Variants in UBE2D3 observed in about 807,000 individuals in gnomAD.
UBE2D3 encodes the protein ubiquitin-conjugating enzyme E2 D3.
A neutral mutation model predicts 22.8 loss-of-function variants in UBE2D3; 2 were observed. That is an observed-to-expected ratio of 0.09 (90% CI 0.04 to 0.28). The LOEUF (loss-of-function observed/expected upper bound fraction) is 0.28, where lower values mean the gene tolerates loss of function less well. Ranked by LOEUF, UBE2D3 falls within the 10% of genes least tolerant of loss-of-function variation. UBE2D3 has a pLI of 1.00. For synonymous variants in UBE2D3, 56 were observed against 60.4 expected, an observed-to-expected ratio of 0.93 and a Z score of 0.34; for missense variants, 27 against 182.5, an observed-to-expected ratio of 0.15 and a Z score of 4.91.
intron 2 of UBE2D3, 64 bp downstream of exon 2, chr4:102,826,421 C>G (rs1223367627): frequency 6.2e-7 from 1 of 1,602,016 alleles, no homozygotes; most frequent in Non-Finnish European, 8.5e-7. Context: ...CACCCCCACG[C>G]TTTCCTCTTG....
intron 4 of UBE2D3, among the ~76,000 whole-genome samples, chr4:102,805,879 C>G (rs1489947804): frequency 6.6e-6 from 1 of 152,138 alleles, no homozygotes; most frequent in African/African-American, 2.4e-5. Flanking sequence ...CAAGCCATAA[C>G]TGAAAGCCAT....
rs76063760 is a variant in UBE2D3, at chr4:102,838,377, C to T, written c.-128-11741G>A. ...CAGTGATGTTCTTTGGAACATGACA[C>T]AGTACCACATAGGAGTACTTTCCCC... On this transcript the variant is annotated intron_variant, in intron 1 of 7. Coordinates refer to the UBE2D3 transcript ENST00000338145. Among the ~76,000 whole-genome samples, 1,148 of 152,264 alleles carry T rather than the reference C, an allele frequency of 7.5e-3. 10 individuals carry two copies. Among genetic ancestry groups the T allele is most frequent in the African/African-American group, 0.026 (1,068 of 41,538 alleles).
At chr4:102,808,388 A>C (rs1197000177) in intron 4 of UBE2D3, among the ~76,000 whole-genome samples, 1 of 152,238 alleles carries the variant, frequency 6.6e-6, no homozygotes, top group Non-Finnish European at 1.5e-5. Flanking sequence ...ACTTTTAATA[A>C]CTACAAAGCC....
chr4:102,861,627 A>G (rs529953386), intron 1 of UBE2D3, among the ~76,000 whole-genome samples: 1 of 152,010 alleles, frequency 6.6e-6, no homozygotes, highest in Non-Finnish European at 1.5e-5. Flanking sequence ...CTGCCTTGTT[A>G]TTTTATTATT....
At chr4:102,826,894 G>C (rs1249515213) in intron 1 of UBE2D3, 7 of 1,054,914 alleles carry the variant, frequency 6.6e-6, no homozygotes, top group Non-Finnish European at 8.0e-6. Context: ...AGGAGAAAGG[G>C]GTGGGTGCGG....
At chr4:102,821,099 G>A (rs1001079786) in intron 2 of UBE2D3, among the ~76,000 whole-genome samples, 16 of 152,126 alleles carry the variant, frequency 1.1e-4, no homozygotes, top group African/African-American at 3.9e-4. Flanking sequence ...TGGGCAGTAA[G>A]ATATTTGGTG....
intron 7 of UBE2D3, 61 bp downstream of exon 7, chr4:102,799,345 CA>C: frequency 7.6e-7 from 1 of 1,323,842 alleles, no homozygotes; most frequent in South Asian, 1.3e-5. Flanking sequence ...CTGTCACAAG[CA>C]AAGTATAAGC....
intron 4 of UBE2D3, among the ~76,000 whole-genome samples, chr4:102,805,474 T>G (rs1014401121): frequency 6.6e-6 from 1 of 151,636 alleles, no homozygotes; most frequent in Non-Finnish European, 1.5e-5. Flanking sequence ...AGCTCTTCTG[T>G]GGCAATAAAA....
chr4:102,820,824 C>G (rs962140298), intron 2 of UBE2D3, among the ~76,000 whole-genome samples: 4 of 152,130 alleles, frequency 2.6e-5, no homozygotes, highest in African/African-American at 9.7e-5. Context: ...CATGAAATTA[C>G]AGCAAGGTTA....
chr4:102,828,013 C>CT, upstream of UBE2D3: 1 of 985,454 alleles, frequency 1.0e-6, no homozygotes, highest in Non-Finnish European at 1.2e-6. Context: ...TCTGCAATGA[C>CT]TTAAGAGCAG....
At chr4:102,828,589 C>T (rs1730920464), upstream of UBE2D3, among the ~76,000 whole-genome samples, 1 of 152,178 alleles carries the variant, frequency 6.6e-6, no homozygotes, top group African/African-American at 2.4e-5. Flanking sequence ...CGCTGCCGTC[C>T]GCCAAGGTGT....
chr4:102,829,947 C>G (rs1402509408), upstream of UBE2D3, among the ~76,000 whole-genome samples: 1 of 152,056 alleles, frequency 6.6e-6, no homozygotes, highest in Non-Finnish European at 1.5e-5. Context: ...AAAAACAAAA[C>G]TAATATATAT....
intron 1 of UBE2D3, among the ~76,000 whole-genome samples, chr4:102,867,393 G>T (rs1415186186): frequency 6.6e-6 from 1 of 152,198 alleles, no homozygotes; most frequent in African/African-American, 2.4e-5. Context: ...GTTATTATAT[G>T]TTGTTAAGTG....
intron 2 of UBE2D3, chr4:102,813,089 A>G (rs1395463898): frequency 1.3e-5 from 2 of 152,234 alleles, no homozygotes; most frequent in African/African-American, 4.8e-5. Context: ...TGATCAACAC[A>G]AAGTTTTAAC....
intron 1 of UBE2D3, among the ~76,000 whole-genome samples, chr4:102,865,777 A>G (rs748486109): frequency 1.1e-4 from 17 of 152,044 alleles, no homozygotes; most frequent in Non-Finnish European, 2.4e-4. Context: ...ACCTAATGGG[A>G]AAAAAACATG....
intron 1 of UBE2D3, among the ~76,000 whole-genome samples, chr4:102,863,583 T>A (rs1182323634): frequency 6.6e-6 from 1 of 152,134 alleles, no homozygotes; most frequent in Non-Finnish European, 1.5e-5. Flanking sequence ...AACCTCCATC[T>A]CCCGGGTTCA....
At chr4:102,831,497 A>G (rs1011291028), upstream of UBE2D3, among the ~76,000 whole-genome samples, 3 of 152,342 alleles carry the variant, frequency 2.0e-5, no homozygotes, top group Middle Eastern at 6.8e-3. Flanking sequence ...TTTAGTAGAA[A>G]CAACTCAAAT....
chr4:102,809,483 T>C (rs1727608756), intron 4 of UBE2D3, 189 bp downstream of exon 4: 1 of 638,166 alleles, frequency 1.6e-6, no homozygotes, highest in Non-Finnish European at 2.7e-6. Context: ...AACACAGGGA[T>C]AGACACAAAG....
chr4:102,819,384 A>G (rs1298975018), intron 2 of UBE2D3, among the ~76,000 whole-genome samples: 1 of 152,154 alleles, frequency 6.6e-6, no homozygotes, highest in Non-Finnish European at 1.5e-5. Context: ...TGGAAATACT[A>G]AAAATATTTA....
Sources: allele counts gnomAD v4.1 joint callset (sites outside exome capture counted in the v4.1 genomes callset), GRCh38; gene constraint gnomAD v4.1.1; transcripts MANE v1.5; gene names NCBI Gene and HGNC (gene_info 2026-07-23, HGNC 2026-07-21).